PNLIPRP3: variants seen among roughly 807,000 people sequenced by gnomAD.
PNLIPRP3 encodes the protein pancreatic lipase-related protein 3.
In PNLIPRP3, 58 loss-of-function variants were observed where a neutral mutation model predicts 52.8. That is an observed-to-expected ratio of 1.10 (90% CI 0.89 to 1.37). The LOEUF is 1.37. Among genes scored for constraint, PNLIPRP3 ranks in the 40% most tolerant of loss-of-function variants. PNLIPRP3 has a pLI of 0.00. For missense variants in PNLIPRP3, 593 were observed against 561.6 expected (o/e 1.06, Z -0.57); for synonymous variants, 192 against 185.0 (o/e 1.04, Z -0.31).
chr10:116,445,773 T>A (rs1169362817), intron 4 of PNLIPRP3, among the ~76,000 whole-genome samples: 1 of 152,072 alleles, frequency 6.6e-6, no homozygotes, highest in African/African-American at 2.4e-5. Flanking sequence ...TTAGGGTGAG[T>A]GGGCTCCAGG....
At chr10:116,448,029 A>AAAGGAAGGAAGGAAG (rs1564697251) in intron 4 of PNLIPRP3, among the ~76,000 whole-genome samples, 1 of 5,598 alleles carries the variant, frequency 1.8e-4, no homozygotes. Context: ...AAGGAAGGAA[A>AAAGGAAGGAAGGAAG]GAAAGAAAGA....
chr10:116,464,123 G>T (rs1846240757), intron 7 of PNLIPRP3, among the ~76,000 whole-genome samples: 1 of 152,188 alleles, frequency 6.6e-6, no homozygotes, highest in Non-Finnish European at 1.5e-5. Flanking sequence ...ATAATGTCAT[G>T]CTTGATAATG....
chr10:116,463,597 C>T (rs1254596652), intron 7 of PNLIPRP3, among the ~76,000 whole-genome samples: 4 of 152,292 alleles, frequency 2.6e-5, no homozygotes, highest in South Asian at 2.1e-4. Context: ...GTTACAAGAT[C>T]AGCCTGTAAT....
At chr10:116,447,594 G>T (rs564681282) in intron 4 of PNLIPRP3, among the ~76,000 whole-genome samples, 1 of 152,088 alleles carries the variant, frequency 6.6e-6, no homozygotes, top group East Asian at 1.9e-4. Context: ...TCAACAAGAA[G>T]ATTAAAAAAA....
At chr10:116,439,151 A>C (rs1845821959) in intron 2 of PNLIPRP3, among the ~76,000 whole-genome samples, 1 of 152,202 alleles carries the variant, frequency 6.6e-6, no homozygotes, top group Non-Finnish European at 1.5e-5. Flanking sequence ...CTGAGTTTGC[A>C]CTTTAAAATG....
In PNLIPRP3 at chr10:116,450,658, T is replaced by G. The variant is rs1417744096; in HGVS notation, c.457-5064T>G. Among the ~76,000 whole-genome samples the G allele has an allele frequency of 2.0e-5, 3 of 151,968 alleles. No homozygotes were observed. In the East Asian group the frequency reaches 5.8e-4, roughly 29 times the overall value. ...TGAGACCACAGAAATAAAAGGAACA[T>G]GAGACTAGTATAAATAATTACACAA... On this transcript the variant is annotated intron_variant, in intron 4 of 11. Transcript: ENST00000369230.
At chr10:116,444,042 C>T (rs578181348) in intron 3 of PNLIPRP3, among the ~76,000 whole-genome samples, 6 of 151,698 alleles carry the variant, frequency 4.0e-5, no homozygotes, top group Non-Finnish European at 7.4e-5. Context: ...ACAATCACGG[C>T]GGAAGGCACC....
intron 3 of PNLIPRP3, among the ~76,000 whole-genome samples, chr10:116,443,638 TATAACAC>T (rs1248444906): frequency 9.9e-3 from 23 of 2,320 alleles, no homozygotes; most frequent in Middle Eastern, 0.5. Flanking sequence ...AACACATATA[TATAACAC>T]ATATGTGTTT....
chr10:116,471,185 A>G (rs1846365372), intron 9 of PNLIPRP3, among the ~76,000 whole-genome samples: 1 of 152,208 alleles, frequency 6.6e-6, no homozygotes, highest in South Asian at 2.1e-4. Context: ...TTAGCTCTAG[A>G]TGTAAAAAGT....
chr10:116,431,772 C>T (rs1037199958), intron 1 of PNLIPRP3, among the ~76,000 whole-genome samples: 7 of 152,132 alleles, frequency 4.6e-5, no homozygotes, highest in African/African-American at 1.7e-4. Context: ...TATGTCTTCT[C>T]CCTGTCTCCA....
At chr10:116,446,889 G>C (rs2133125467) in intron 4 of PNLIPRP3, among the ~76,000 whole-genome samples, 1 of 152,306 alleles carries the variant, frequency 6.6e-6, no homozygotes, top group Non-Finnish European at 1.5e-5. Context: ...GACAGAAAAA[G>C]TGGGACGTCA....
chr10:116,434,224 G>C lies in PNLIPRP3; in HGVS notation c.50-2487G>C, dbSNP rs146728321. Among the ~76,000 whole-genome samples the C allele has an allele frequency of 9.7e-3, 1,479 of 152,176 alleles. 61 individuals carry two copies. Among genetic ancestry groups the C allele is most frequent in the Admixed American group, 0.079 (1,204 of 15,278 alleles). On this transcript the variant is annotated intron_variant, in intron 1 of 11. Coordinates refer to ENST00000369230, the MANE Select transcript of PNLIPRP3 (RefSeq NM_001011709.3). ...AATTCATATTTATTACTGAAAATTTGATAACATAGACAAGTATAAATAAGA... is the reference window on the plus strand; with the variant it reads ...AATTCATATTTATTACTGAAAATTTCATAACATAGACAAGTATAAATAAGA...
At chr10:116,476,530 T>C in intron 10 of PNLIPRP3, 122 bp from the exon 11 acceptor site, 2 of 714,354 alleles carry the variant, frequency 2.8e-6, no homozygotes, top group Non-Finnish European at 4.3e-6. Flanking sequence ...AGAATAAATC[T>C]CCTACAAGCA....
intron 8 of PNLIPRP3, among the ~76,000 whole-genome samples, chr10:116,467,322 T>G (rs1846295775): frequency 6.6e-6 from 1 of 152,144 alleles, no homozygotes; most frequent in Non-Finnish European, 1.5e-5. Context: ...GCCCAGAAAT[T>G]TGAGGCTACA....
intron 7 of PNLIPRP3, among the ~76,000 whole-genome samples, chr10:116,462,381 G>A (rs1351690308): frequency 6.6e-6 from 1 of 150,870 alleles, no homozygotes; most frequent in Non-Finnish European, 1.5e-5. Flanking sequence ...ATATCTCATA[G>A]CCCAATCCCC....
At chr10:116,429,675 G>A (rs1233525174) in intron 1 of PNLIPRP3, among the ~76,000 whole-genome samples, 2 of 152,188 alleles carry the variant, frequency 1.3e-5, no homozygotes, top group African/African-American at 4.8e-5. Flanking sequence ...CCTGCCCCAG[G>A]ACAGTCCTAA....
chr10:116,433,570 C>G (rs907165481), intron 1 of PNLIPRP3, among the ~76,000 whole-genome samples: 1 of 152,162 alleles, frequency 6.6e-6, no homozygotes, highest in African/African-American at 2.4e-5. Context: ...ACATACCCTT[C>G]CATAGTATGT....
At chr10:116,464,531 G>A (rs2133148715) in intron 7 of PNLIPRP3, among the ~76,000 whole-genome samples, 1 of 152,322 alleles carries the variant, frequency 6.6e-6, no homozygotes, top group African/African-American at 2.4e-5. Flanking sequence ...CATGCCCACT[G>A]CTGTGGTAGG....
chr10:116,462,732 T>C (rs950963602), intron 7 of PNLIPRP3, among the ~76,000 whole-genome samples: 1 of 152,172 alleles, frequency 6.6e-6, no homozygotes, highest in African/African-American at 2.4e-5. Flanking sequence ...ATGAATCCTT[T>C]CTATTAGGAC....
Sources: gnomAD v4.1 joint callset for allele counts (sites outside exome capture counted in the v4.1 genomes callset) on GRCh38, gnomAD v4.1.1 for gene constraint, MANE v1.5 for transcripts, NCBI Gene and HGNC (gene_info 2026-07-23, HGNC 2026-07-21) for gene names.